The following NLRP14 variants were observed in gnomAD, a reference collection of about 807,000 sequenced individuals.
NLRP14 encodes NLR family pyrin domain containing 14.
Under a neutral mutation model 94.7 loss-of-function variants are expected in NLRP14, and 105 were observed. The observed-to-expected ratio is 1.11, with a 90% CI of 0.95 to 1.30. The LOEUF is 1.30. Ranked by LOEUF, NLRP14 falls within the 50% of genes most tolerant of loss-of-function variation. NLRP14 has a pLI of 0.00. For synonymous variants in NLRP14, 508 were observed against 459.9 expected (o/e 1.10, Z -1.34); for missense variants, 1,362 against 1,254.1 (o/e 1.09, Z -1.30).
At position 7,046,689 on chromosome 11, in the gene NLRP14, C is replaced by T. The variant is rs1246366090; in HGVS notation, c.1980C>T (p.His660=). The T allele has an allele frequency of 6.2e-7, 1 of 1,613,804 alleles. No homozygotes were observed. Among genetic ancestry groups the T allele is most frequent in the Non-Finnish European group, 8.5e-7 (1 of 1,179,668 alleles). Residue 660 remains histidine (H), a synonymous_variant, in exon 5 of 12, where the codon CAC becomes CAT. Transcript: ENST00000299481. ...TNTWDGDRIT[H]CWQDLCSVLH... ...AAAGGGATGGTGATCGCATTACTCA[C>T]TGTTGGCAAGATCTCTGTTCTGTGC...
At chr11:7,089,701 C>A in the NLRP14 span, 1 of 1,520,086 alleles carries the variant, frequency 6.6e-7, no homozygotes, top group South Asian at 1.2e-5. Context: ...TCAGGCCCAC[C>A]GCGCCGGGAG....
intron 1 of NLRP14, among the ~76,000 whole-genome samples, chr11:7,023,619 A>T (rs576974666): frequency 6.6e-6 from 1 of 150,988 alleles, no homozygotes; most frequent in Admixed American, 6.6e-5. Context: ...AAAGAACATA[A>T]GAAATTATAT....
At chr11:7,064,335 A>T (rs957886329) in intron 10 of NLRP14, among the ~76,000 whole-genome samples, 1 of 152,146 alleles carries the variant, frequency 6.6e-6, no homozygotes, top group Non-Finnish European at 1.5e-5. Context: ...TTTTCATAGT[A>T]TATAGACAGG....
chr11:7,028,946 T>C (rs1428627432), intron 1 of NLRP14, among the ~76,000 whole-genome samples: 1 of 152,158 alleles, frequency 6.6e-6, no homozygotes, highest in Non-Finnish European at 1.5e-5. Context: ...AAATTATTTA[T>C]TGGGTGAGAG....
At chr11:7,047,448 C>T (rs538409931) in intron 5 of NLRP14, among the ~76,000 whole-genome samples, 1 of 152,008 alleles carries the variant, frequency 6.6e-6, no homozygotes, top group East Asian at 1.9e-4. Context: ...GGATTACAGG[C>T]ATGTACCACC....
rs1231889535 is a variant in NLRP14, at chr11:7,071,488, C to T, written c.*180C>T. ...TGTCTGTTCTACTTCACACAGTGGT[C>T]GAGAGGCTAAAATAAAATGAAAAGC... On this transcript the variant is annotated 3_prime_UTR_variant, in exon 12 of 12. Transcript: ENST00000299481. Among the ~76,000 whole-genome samples, 2 of 148,836 alleles carry T rather than the reference C, an allele frequency of 1.3e-5. No individual in the cohort carries two copies. Among genetic ancestry groups the T allele is most frequent in the Non-Finnish European group, 3.0e-5 (2 of 67,428 alleles).
intron 1 of NLRP14, among the ~76,000 whole-genome samples, chr11:7,030,948 T>C (rs949058026): frequency 1.1e-4 from 16 of 152,118 alleles, no homozygotes; most frequent in African/African-American, 3.4e-4. Context: ...AGAGCAAGCA[T>C]AGAGGCGGAG....
chr11:7,057,598 T>G, intron 6 of NLRP14, 79 bp from the exon 7 acceptor site: 1 of 1,348,782 alleles, frequency 7.4e-7, no homozygotes, highest in Non-Finnish European at 1.1e-6. Flanking sequence ...GGAAACTTCC[T>G]ACCTTTGGGA....
At chr11:7,047,732 T>C (rs1376302218) in intron 5 of NLRP14, among the ~76,000 whole-genome samples, 1 of 151,694 alleles carries the variant, frequency 6.6e-6, no homozygotes, top group African/African-American at 2.4e-5. Context: ...AGTATGTATT[T>C]TTTTTAATTT....
At chr11:7,086,065 T>C in the NLRP14 span, among the ~76,000 whole-genome samples, 1 of 152,210 alleles carries the variant, frequency 6.6e-6, no homozygotes, top group African/African-American at 2.4e-5. Flanking sequence ...TATCCAGAAA[T>C]AGTGTTGTTG....
chr11:7,066,714 T>C (rs536673142), intron 10 of NLRP14, among the ~76,000 whole-genome samples: 9 of 152,204 alleles, frequency 5.9e-5, no homozygotes, highest in African/African-American at 2.2e-4. Flanking sequence ...CATTTGTCAA[T>C]TTTGGGTTTT....
intron 1 of NLRP14, among the ~76,000 whole-genome samples, chr11:7,022,000 T>A (rs1589853474): frequency 6.7e-6 from 1 of 149,128 alleles, no homozygotes; most frequent in Middle Eastern, 3.2e-3. Context: ...AAACAAAATG[T>A]GTATCTGAAG....
intron 1 of NLRP14, among the ~76,000 whole-genome samples, chr11:7,022,884 C>G (rs1222508874): frequency 1.3e-5 from 2 of 152,142 alleles, no homozygotes; most frequent in African/African-American, 4.8e-5. Context: ...GAGGAACTCT[C>G]TCAGGAGGAA....
At chr11:7,089,131 C>G in the NLRP14 span, 35 of 1,613,634 alleles carry the variant, frequency 2.2e-5, no homozygotes, top group Non-Finnish European at 3.0e-5. Context: ...ATGGTTGAAG[C>G]GGATCGCCCG....
Position 7,065,376 on chromosome 11 carries a change from A to G in NLRP14, c.2975+2873A>G, listed in dbSNP as rs570952698. 4.1e-4 allele frequency among the ~76,000 whole-genome samples: 62 copies of G among 152,192 alleles called. 1 individual carries two copies. Among genetic ancestry groups the G allele is most frequent in the Non-Finnish European group, 6.8e-4 (46 of 67,992 alleles). ...TTGTGTTTATACATAGAAACATAGG[A>G]GTTTTTAAAGTTGGTTTCTTATCCA... On this transcript the variant is annotated intron_variant, in intron 10 of 11. Coordinates refer to ENST00000299481, the MANE Select transcript of NLRP14 (RefSeq NM_176822.4).
intron 5 of NLRP14, 54 bp downstream of exon 5, chr11:7,046,886 C>T: frequency 7.7e-7 from 1 of 1,304,936 alleles, no homozygotes; most frequent in South Asian, 1.2e-5. Context: ...TTTCTGTGTC[C>T]CATCTTCCAC....
the NLRP14 span, among the ~76,000 whole-genome samples, chr11:7,084,277 T>A: frequency 6.6e-6 from 1 of 152,180 alleles, no homozygotes; most frequent in South Asian, 2.1e-4. Context: ...TATTTTGACA[T>A]AAGAAATATG....
chr11:7,070,810 A>G (rs753117455), intron 11 of NLRP14, among the ~76,000 whole-genome samples: 1 of 152,204 alleles, frequency 6.6e-6, no homozygotes, highest in South Asian at 2.1e-4. Context: ...CTGAGTCAAT[A>G]TAGGCTAAGT....
intron 1 of NLRP14, among the ~76,000 whole-genome samples, chr11:7,036,578 G>A (rs1401646049): frequency 6.6e-6 from 1 of 152,160 alleles, no homozygotes; most frequent in Non-Finnish European, 1.5e-5. Flanking sequence ...TTAGGTGCAT[G>A]CGTTAGCTTT....
Sources: allele counts gnomAD v4.1 joint callset (sites outside exome capture counted in the v4.1 genomes callset), GRCh38; gene constraint gnomAD v4.1.1; transcripts MANE v1.5; gene names NCBI Gene and HGNC (gene_info 2026-07-23, HGNC 2026-07-21).